The following EXOSC5 variants were observed in gnomAD, a reference collection of about 807,000 sequenced individuals.
EXOSC5 encodes the protein exosome component 5.
In EXOSC5, 15 loss-of-function variants were observed where a neutral mutation model predicts 23.7. The observed-to-expected ratio is 0.63, with a 90% confidence interval of 0.42 to 0.97. The LOEUF (loss-of-function observed/expected upper bound fraction) is 0.97. Ranked by LOEUF, EXOSC5 falls within the 50% of genes least tolerant of loss-of-function variation. The pLI is 0.00. For missense variants in EXOSC5, 305 were observed against 316.3 expected (o/e 0.96, Z 0.27); for synonymous variants, 143 against 140.9 (o/e 1.02, Z -0.11).
chr19:41,394,230 T>C (rs2039044990), intron 1 of EXOSC5, among the ~76,000 whole-genome samples: 2 of 151,828 alleles, frequency 1.3e-5, no homozygotes, highest in East Asian at 3.9e-4. Flanking sequence ...ATACAAAAAT[T>C]AGCTGGGCAT....
chr19:41,395,047 GAAA>G (rs59002070), intron 1 of EXOSC5, among the ~76,000 whole-genome samples: 126 of 136,820 alleles, frequency 9.2e-4, no homozygotes, highest in African/African-American at 3.3e-3. Context: ...AAAAAAAAAA[GAAA>G]AAAAAAAAAA....
Position 41,387,538 on chromosome 19 carries a change from G to C in EXOSC5, c.591C>G (p.Thr197=). The C allele has an allele frequency of 6.2e-7, 1 of 1,604,866 alleles. No homozygotes were observed. The highest frequency in any genetic ancestry group is 8.5e-7 in the Non-Finnish European group (1 of 1,176,320). Residue 197 remains threonine (T), a synonymous_variant, in exon 5 of 6, where the codon ACC becomes ACG. Coordinates refer to ENST00000221233, the MANE Select transcript of EXOSC5 (RefSeq NM_020158.4). The part of the protein sequence containing the change: ...SVERKLLMSS[T]KGLYSDTELQ... The stretch of plus-strand genomic sequence containing the variant: ...CCTCAGTGTCTGAGTAGAGCCCCTT[G>C]GTGCTGGACATCAGCAGCTTCCGTT...
intron 4 of EXOSC5, 144 bp from the exon 5 acceptor site, chr19:41,387,747 A>G: frequency 2.4e-6 from 1 of 423,670 alleles, no homozygotes. Context: ...GCTTGAGGCC[A>G]GAAACTCAAG....
At chr19:41,393,637 G>A (rs1260942901) in intron 1 of EXOSC5, among the ~76,000 whole-genome samples, 1 of 151,326 alleles carries the variant, frequency 6.6e-6, no homozygotes, top group Non-Finnish European at 1.5e-5. Context: ...TCGGCTCACC[G>A]CAACCTCTGC....
intron 1 of EXOSC5, among the ~76,000 whole-genome samples, chr19:41,394,841 T>C (rs1407202235): frequency 6.6e-6 from 1 of 151,952 alleles, no homozygotes; most frequent in African/African-American, 2.4e-5. Flanking sequence ...AAGATCAGCC[T>C]GGCCAACATG....
chr19:41,396,012 A>G (rs1403182151), intron 1 of EXOSC5, among the ~76,000 whole-genome samples: 2 of 151,886 alleles, frequency 1.3e-5, no homozygotes, highest in African/African-American at 2.4e-5. Context: ...CATCACCTCC[A>G]CTACTCCTGC....
intron 4 of EXOSC5, among the ~76,000 whole-genome samples, chr19:41,387,916 G>A (rs2038996301): frequency 1.3e-5 from 2 of 151,892 alleles, no homozygotes; most frequent in African/African-American, 4.8e-5. Context: ...AGCTGTGATC[G>A]TACTACACTC....
At chr19:41,393,333 C>T (rs902048466) in intron 1 of EXOSC5, among the ~76,000 whole-genome samples, 7 of 152,122 alleles carry the variant, frequency 4.6e-5, no homozygotes, top group African/African-American at 7.2e-5. Context: ...GGTGCCATCA[C>T]GGCTCATTGC....
At chr19:41,389,703 G>C (rs2039008587) in intron 4 of EXOSC5, 62 bp downstream of exon 4, 7 of 1,573,588 alleles carry the variant, frequency 4.4e-6, no homozygotes, top group Non-Finnish European at 5.2e-6. Context: ...AGCGAGGCCT[G>C]GAGGAAGGGA....
chr19:41,392,341 G>C (rs191695539), intron 2 of EXOSC5, among the ~76,000 whole-genome samples: 7 of 152,180 alleles, frequency 4.6e-5, no homozygotes, highest in African/African-American at 1.4e-4. Context: ...CAACACTTTG[G>C]GGGGCTGAGG....
chr19:41,386,681 G>A lies in EXOSC5; in HGVS notation c.660C>T (p.Val220=), dbSNP rs1234612548. Residue 220 remains valine, a synonymous_variant, in exon 6 of 6, where the codon GTC becomes GTT. Transcript: ENST00000221233. ...LAAAQAASQH[V]FRFYRESLQR... ...GCAGCGATTCCCGGTAGAAACGGAA[G>A]ACGTGTTGCGAAGCGGCCTGGGCCG... is the stretch of plus-strand genomic sequence containing the variant. 6.2e-7 allele frequency: 1 copy of A among 1,603,938 alleles called. No homozygotes were observed. The highest frequency in any genetic ancestry group is 1.1e-5 in the South Asian group (1 of 89,224).
intron 1 of EXOSC5, among the ~76,000 whole-genome samples, chr19:41,394,278 C>T (rs1000711603): frequency 1.3e-5 from 2 of 151,598 alleles, no homozygotes; most frequent in African/African-American, 4.8e-5. Context: ...CTTGGGAGGC[C>T]GACGCAGGAG....
At chr19:41,387,655 T>TA (rs1271081394) in intron 4 of EXOSC5, 52 bp from the exon 5 acceptor site, 1 of 1,356,220 alleles carries the variant, frequency 7.4e-7, no homozygotes, top group South Asian at 1.4e-5. Flanking sequence ...TCCCCTCAGA[T>TA]AAAATCTCAG....
intron 1 of EXOSC5, among the ~76,000 whole-genome samples, chr19:41,393,626 C>A (rs141782639): frequency 0.033 from 5,054 of 150,968 alleles, 264 homozygotes; most frequent in African/African-American, 0.12. Context: ...GTGGCGTAAT[C>A]TCGGCTCACC....
rs1181388847 is a variant in EXOSC5 at position 41,387,605 on chromosome 19, T to C, written c.526-2A>G. ...AAAGGTCAGGACTGCCCGGGCCTCC[T>C]AGGGACAAGGGGTAGAAGGCGGTGG... On this transcript the variant is annotated splice_acceptor_variant, in intron 4 of 5. Transcript: ENST00000221233. LOFTEE classifies it high-confidence loss of function. 1 of 1,592,088 alleles carries C rather than the reference T, an allele frequency of 6.3e-7. No individual in the cohort carries two copies. The highest frequency in any genetic ancestry group is 8.5e-7 in the Non-Finnish European group (1 of 1,170,756).
intron 1 of EXOSC5, among the ~76,000 whole-genome samples, chr19:41,396,310 A>G (rs543394933): frequency 6.6e-6 from 1 of 152,156 alleles, no homozygotes; most frequent in East Asian, 1.9e-4. Flanking sequence ...CCCAGGTTCA[A>G]GTGATTGTCC....
rs368163575 is a variant in EXOSC5 at position 41,389,453 on chromosome 19, T to TG, written c.525+311dup. Among the ~76,000 whole-genome samples the TG allele has an allele frequency of 1.4e-3, 220 of 151,908 alleles. 1 individual carries two copies. Among genetic ancestry groups the TG allele is most frequent in the African/African-American group, 5.1e-3 (212 of 41,404 alleles). On this transcript the variant is annotated intron_variant, in intron 4 of 5. Coordinates refer to ENST00000221233, the MANE Select transcript of EXOSC5 (RefSeq NM_020158.4). ...GCTAATTTTGTATTTTTAGTAGAGATGGGGTTTCTCCATGTTGGTCAGACT... is the reference window on the plus strand; with the variant it reads ...GCTAATTTTGTATTTTTAGTAGAGATGGGGGTTTCTCCATGTTGGTCAGACT...
At chr19:41,392,356 C>T (rs1479990625) in intron 2 of EXOSC5, among the ~76,000 whole-genome samples, 2 of 151,940 alleles carry the variant, frequency 1.3e-5, no homozygotes, top group South Asian at 2.1e-4. Flanking sequence ...CTGAGGCGGG[C>T]GGATCACTTG....
chr19:41,392,209 T>G, intron 2 of EXOSC5: 1 of 527,492 alleles, frequency 1.9e-6, no homozygotes, highest in South Asian at 2.7e-5. Context: ...TCCATGTCTG[T>G]GCTGCTACCC....
Sources: allele counts gnomAD v4.1 joint callset (sites outside exome capture counted in the v4.1 genomes callset), GRCh38; gene constraint gnomAD v4.1.1; transcripts MANE v1.5; gene names NCBI Gene and HGNC (gene_info 2026-07-23, HGNC 2026-07-21).